The following ATP6V0A1 variants were observed in gnomAD, a reference collection of about 807,000 sequenced individuals.
The protein encoded by ATP6V0A1 is V-type proton ATPase 116 kDa subunit a 1.
In ATP6V0A1, 43 loss-of-function variants were observed where a neutral mutation model predicts 105.4. The observed-to-expected ratio is 0.41, with a 90% CI of 0.32 to 0.53. The LOEUF (loss-of-function observed/expected upper bound fraction) is 0.53, where lower values mean the gene tolerates loss of function less well. Ranked by LOEUF, ATP6V0A1 falls within the 20% of genes least tolerant of loss-of-function variation. The pLI is 0.30. For missense variants in ATP6V0A1, 676 were observed against 1,051.1 expected (o/e 0.64, Z 4.93); for synonymous variants, 362 against 372.8 (o/e 0.97, Z 0.33).
At chr17:42,497,241 A>G (rs989311599) in intron 14 of ATP6V0A1, among the ~76,000 whole-genome samples, 2 of 149,498 alleles carry the variant, frequency 1.3e-5, no homozygotes, top group African/African-American at 4.9e-5. Context: ...CAGAGGTTGC[A>G]GTGAGCCAAG....
intron 9 of ATP6V0A1, among the ~76,000 whole-genome samples, chr17:42,483,662 A>G (rs1367212702): frequency 6.6e-6 from 1 of 152,058 alleles, no homozygotes; most frequent in African/African-American, 2.4e-5. Context: ...GCTCACTGCA[A>G]CCTCTGCCTC....
chr17:42,494,754 A>C, intron 12 of ATP6V0A1: 1 of 470,790 alleles, frequency 2.1e-6, no homozygotes, highest in Non-Finnish European at 3.7e-6. Context: ...AAAAAATAAA[A>C]ATTATTTAGG....
At position 42,487,328 on chromosome 17, in the gene ATP6V0A1, C is replaced by G; in HGVS notation, c.984C>G (p.Thr328=). 6.2e-7 allele frequency: 1 copy of G among 1,614,106 alleles called. No homozygotes were observed. Among genetic ancestry groups the G allele is most frequent in the African/African-American group, 1.3e-5 (1 of 75,030 alleles). The change falls in exon 10 of 22, where the codon ACC becomes ACG. Residue 328 remains threonine, a synonymous_variant. Transcript: ENST00000343619. The part of the protein sequence containing the change: ...CLIAEVWCPV[T]DLDSIQFALR... The stretch of plus-strand genomic sequence containing the variant: ...TTGCAGAGGTCTGGTGCCCTGTCAC[C>G]GACCTTGACTCCATCCAGTTTGCAC...
intron 12 of ATP6V0A1, 70 bp from the exon 13 acceptor site, chr17:42,494,964 T>A: frequency 6.6e-7 from 1 of 1,521,382 alleles, no homozygotes; most frequent in Middle Eastern, 1.7e-4. Flanking sequence ...GCAGGTATAT[T>A]CTGAATAACA....
At chr17:42,480,590 C>CA in intron 7 of ATP6V0A1, 77 bp from the exon 8 acceptor site, 3 of 1,431,538 alleles carry the variant, frequency 2.1e-6, no homozygotes, top group Non-Finnish European at 2.8e-6. Flanking sequence ...CTTGCATCAC[C>CA]AAAAAAGTGG....
At chr17:42,507,660 C>G in intron 18 of ATP6V0A1, 33 bp downstream of exon 18, 1 of 1,571,616 alleles carries the variant, frequency 6.4e-7, no homozygotes. Flanking sequence ...TTCTCTCCTT[C>G]CACCTCGGGT....
chr17:42,499,318 A>C (rs2091466407), intron 15 of ATP6V0A1, among the ~76,000 whole-genome samples: 1 of 152,010 alleles, frequency 6.6e-6, no homozygotes, highest in African/African-American at 2.4e-5. Context: ...TAAAAATACA[A>C]AAATCAGCCA....
intron 20 of ATP6V0A1, 78 bp from the exon 21 acceptor site, chr17:42,514,211 G>A (rs780975569): frequency 2.0e-4 from 296 of 1,508,748 alleles, no homozygotes; most frequent in Non-Finnish European, 2.5e-4. Flanking sequence ...CTAGAGCAGG[G>A]GGATGGCAGA....
chr17:42,474,846 G>A (rs2088517295), intron 5 of ATP6V0A1, among the ~76,000 whole-genome samples: 1 of 152,198 alleles, frequency 6.6e-6, no homozygotes, highest in Non-Finnish European at 1.5e-5. Context: ...CAGGGTGTGT[G>A]TAAGGTGAAA....
At chr17:42,487,738 A>AT (rs1485654463) in intron 10 of ATP6V0A1, among the ~76,000 whole-genome samples, 35 of 151,336 alleles carry the variant, frequency 2.3e-4, no homozygotes, top group Admixed American at 7.9e-4. Flanking sequence ...AAAAAAAAAA[A>AT]ATAATAATAA....
intron 8 of ATP6V0A1, among the ~76,000 whole-genome samples, chr17:42,482,148 T>C (rs1355662751): frequency 6.6e-6 from 1 of 151,800 alleles, no homozygotes; most frequent in Non-Finnish European, 1.5e-5. Context: ...GCCTTTTTTT[T>C]GTTTTGTTTT....
intron 2 of ATP6V0A1, among the ~76,000 whole-genome samples, chr17:42,461,935 A>G (rs2086456553): frequency 1.3e-5 from 2 of 151,784 alleles, no homozygotes; most frequent in South Asian, 4.2e-4. Flanking sequence ...GGCCAGGTGC[A>G]ATGGCTCACA....
intron 13 of ATP6V0A1, 124 bp downstream of exon 13, chr17:42,495,312 C>A: frequency 9.9e-7 from 1 of 1,014,106 alleles, no homozygotes; most frequent in Non-Finnish European, 1.5e-6. Context: ...ATTCATGCTC[C>A]ACACTGTGAG....
intron 17 of ATP6V0A1, among the ~76,000 whole-genome samples, chr17:42,501,553 T>C (rs1273546802): frequency 2.0e-5 from 3 of 152,006 alleles, no homozygotes; most frequent in Non-Finnish European, 2.9e-5. Context: ...TCACTGGGAT[T>C]ATAGGTGTAC....
At chr17:42,468,152 C>A in intron 4 of ATP6V0A1, 45 bp downstream of exon 4, 1 of 1,346,626 alleles carries the variant, frequency 7.4e-7, no homozygotes, top group Non-Finnish European at 1.0e-6. Context: ...TCTACTTGAA[C>A]GCAGAAATTA....
chr17:42,514,486 C>T (rs1241190135), intron 21 of ATP6V0A1, 26 bp downstream of exon 21: 17 of 1,559,822 alleles, frequency 1.1e-5, no homozygotes, highest in Non-Finnish European at 1.4e-5. Flanking sequence ...GCAGGGCGGG[C>T]ATGGGGGTGG....
intron 11 of ATP6V0A1, among the ~76,000 whole-genome samples, chr17:42,492,286 T>C (rs1039562946): frequency 6.6e-6 from 1 of 152,038 alleles, no homozygotes; most frequent in Admixed American, 6.6e-5. Context: ...TGAGAATCAC[T>C]TGAACCCAGG....
chr17:42,503,235 C>T (rs889853053), intron 17 of ATP6V0A1, among the ~76,000 whole-genome samples: 5 of 152,170 alleles, frequency 3.3e-5, no homozygotes, highest in African/African-American at 1.2e-4. Flanking sequence ...AGCATGGAAG[C>T]GAGAATATCT....
intron 10 of ATP6V0A1, 46 bp downstream of exon 10, chr17:42,487,413 G>A (rs778685564): frequency 1.2e-5 from 19 of 1,584,638 alleles, no homozygotes; most frequent in Non-Finnish European, 1.4e-5. Flanking sequence ...CGGAAGAGAG[G>A]TTCCCATCAA....
Sources: gnomAD v4.1 joint callset for allele counts (sites outside exome capture counted in the v4.1 genomes callset) on GRCh38, gnomAD v4.1.1 for gene constraint, MANE v1.5 for transcripts, NCBI Gene and HGNC (gene_info 2026-07-23, HGNC 2026-07-21) for gene names.